SLIT3: variants seen among roughly 807,000 people sequenced by gnomAD.
The protein encoded by SLIT3 is slit guidance ligand 3.
In SLIT3, 68 loss-of-function variants were observed where a neutral mutation model predicts 184.0. The ratio of observed to expected loss-of-function variants is 0.37; its 90% CI spans 0.30 to 0.45. The LOEUF is 0.45. SLIT3 is among the 20% of genes least tolerant of loss of function. SLIT3 has a pLI of 1.00. For missense variants in SLIT3, 1,707 were observed against 2,026.0 expected (o/e 0.84, Z 3.02); for synonymous variants, 831 against 828.6 (o/e 1.00, Z -0.05).
chr5:169,015,790 C>T (rs1756339231), intron 4 of SLIT3, among the ~76,000 whole-genome samples: 1 of 152,130 alleles, frequency 6.6e-6, no homozygotes, highest in African/African-American at 2.4e-5. Flanking sequence ...AAAAATTAGC[C>T]AGGTGTGGTG....
At chr5:168,871,476 C>A (rs909545870) in intron 5 of SLIT3, among the ~76,000 whole-genome samples, 1 of 152,140 alleles carries the variant, frequency 6.6e-6, no homozygotes, top group East Asian at 1.9e-4. Context: ...AGGGACAGGG[C>A]AGGGAAGTTA....
At position 169,251,433 on chromosome 5, in the gene SLIT3, C is replaced by T; in HGVS notation, c.224G>A (p.Arg75Lys). 6.2e-7 allele frequency: 1 copy of T among 1,613,506 alleles called. No individual in the cohort carries two copies. The highest frequency in any genetic ancestry group is 8.5e-7 in the Non-Finnish European group (1 of 1,179,532). Residue 75 changes from arginine to lysine, a missense_variant, in exon 2 of 36, where the codon AGG becomes AAG. By Grantham distance (26) the Arg-to-Lys change is conservative (BLOSUM62 2). Transcript: ENST00000519560. ...RLDLDRNNIT[R>K]ITKMDFAGLK... is the part of the protein sequence containing the mutation. ...CCCAGCGAAGTCCATCTTGGTGATCCTGGTGATATTATTTCTGTCCAGGTC... is the reference window on the plus strand; with the variant it reads ...CCCAGCGAAGTCCATCTTGGTGATCTTGGTGATATTATTTCTGTCCAGGTC...
chr5:169,214,472 G>A (rs750113732), intron 3 of SLIT3, among the ~76,000 whole-genome samples: 35 of 152,190 alleles, frequency 2.3e-4, no homozygotes, highest in Admixed American at 1.4e-3. Flanking sequence ...CTGGGAAACT[G>A]GGAGGAGGCC....
intron 1 of SLIT3, among the ~76,000 whole-genome samples, chr5:169,286,056 A>G (rs1487921366): frequency 6.6e-6 from 1 of 152,198 alleles, no homozygotes; most frequent in Non-Finnish European, 1.5e-5. Flanking sequence ...AATGCCAGAC[A>G]CTGTCCTCTA....
At chr5:169,149,959 C>A (rs1762058363) in intron 4 of SLIT3, among the ~76,000 whole-genome samples, 1 of 152,156 alleles carries the variant, frequency 6.6e-6, no homozygotes, top group South Asian at 2.1e-4. Flanking sequence ...TTTGATCATT[C>A]CTGTTTTACA....
At chr5:168,773,184 C>T (rs1477911248) in intron 13 of SLIT3, among the ~76,000 whole-genome samples, 1 of 152,134 alleles carries the variant, frequency 6.6e-6, no homozygotes, top group Non-Finnish European at 1.5e-5. Flanking sequence ...AATCGGTCTC[C>T]CAGCTCTTCC....
intron 4 of SLIT3, chr5:168,993,971 A>C (rs538895200): frequency 6.6e-6 from 1 of 152,388 alleles, no homozygotes; most frequent in South Asian, 2.1e-4. Flanking sequence ...AGTCAGTGGG[A>C]ATTGCAGGAT....
intron 4 of SLIT3, among the ~76,000 whole-genome samples, chr5:168,891,409 G>A (rs1432671677): frequency 6.6e-6 from 1 of 152,192 alleles, no homozygotes; most frequent in African/African-American, 2.4e-5. Flanking sequence ...CAGAGACGTG[G>A]CAGAAGAAAA....
At chr5:169,207,416 C>CACACACACAT (rs59792125) in intron 3 of SLIT3, among the ~76,000 whole-genome samples, 1 of 147,500 alleles carries the variant, frequency 6.8e-6, no homozygotes, top group African/African-American at 2.5e-5. Flanking sequence ...CACACACACA[C>CACACACACAT]GGCACCAAGT....
intron 1 of SLIT3, among the ~76,000 whole-genome samples, chr5:169,283,678 T>C (rs1217003917): frequency 1.3e-5 from 2 of 152,226 alleles, no homozygotes; most frequent in African/African-American, 4.8e-5. Flanking sequence ...CACAGCCACA[T>C]GATGATCCCA....
chr5:169,140,841 C>G (rs898761829), intron 4 of SLIT3, among the ~76,000 whole-genome samples: 3 of 152,128 alleles, frequency 2.0e-5, no homozygotes, highest in African/African-American at 7.2e-5. Flanking sequence ...ACCAACCATA[C>G]CCCTCTCCCA....
At position 168,838,795 on chromosome 5, in the gene SLIT3, C is replaced by T. The variant is rs75421396; in HGVS notation, c.557+5789G>A. On this transcript the variant is annotated intron_variant, in intron 6 of 35. Coordinates refer to ENST00000519560, the MANE Select transcript of SLIT3 (RefSeq NM_003062.4). ...TCTTCTGCGTCTACCTGTGGGGTTC[C>T]GCATCAGGCCACGTTGAACCCACCA... 1.5e-3 allele frequency among the ~76,000 whole-genome samples: 235 copies of T among 152,234 alleles called. 1 individual carries two copies. Among genetic ancestry groups the T allele is most frequent in the East Asian group, 5.0e-3 (26 of 5,164 alleles).
intron 4 of SLIT3, among the ~76,000 whole-genome samples, chr5:169,104,362 G>A (rs1039241957): frequency 3.3e-5 from 5 of 152,196 alleles, no homozygotes; most frequent in East Asian, 1.9e-4. Context: ...CAGAGGAAGC[G>A]TACGCTCAGC....
chr5:169,088,177 G>A (rs1311373665), intron 4 of SLIT3, among the ~76,000 whole-genome samples: 1 of 152,138 alleles, frequency 6.6e-6, no homozygotes, highest in Non-Finnish European at 1.5e-5. Context: ...AAGAAGGAAG[G>A]GACTGAGCAA....
intron 4 of SLIT3, among the ~76,000 whole-genome samples, chr5:168,891,098 T>C (rs930191596): frequency 6.6e-6 from 1 of 152,238 alleles, no homozygotes; most frequent in Non-Finnish European, 1.5e-5. Flanking sequence ...CAGTATATAA[T>C]GCAAATTCCT....
At chr5:168,897,416 TGA>T (rs138218818) in intron 4 of SLIT3, among the ~76,000 whole-genome samples, 8 of 148,372 alleles carry the variant, frequency 5.4e-5, no homozygotes, top group Admixed American at 4.0e-4. Flanking sequence ...GATATAAAGA[TGA>T]GAGAGAGAGA....
intron 4 of SLIT3, among the ~76,000 whole-genome samples, chr5:169,021,399 G>T (rs1756589707): frequency 6.6e-6 from 1 of 152,000 alleles, no homozygotes; most frequent in Non-Finnish European, 1.5e-5. Context: ...CACCCAGGCT[G>T]GAGTGCAGTG....
At chr5:168,967,437 C>CTTTTTTTGTTTTTTT (rs1763238230) in intron 4 of SLIT3, among the ~76,000 whole-genome samples, 1 of 32,732 alleles carries the variant, frequency 3.1e-5, no homozygotes, top group Non-Finnish European at 5.6e-5. Flanking sequence ...CATCTCAAAT[C>CTTTTTTTGTTTTTTT]TTTTTTTTTT....
intron 4 of SLIT3, among the ~76,000 whole-genome samples, chr5:168,968,574 T>TA (rs1191455466): frequency 6.6e-6 from 1 of 152,170 alleles, no homozygotes; most frequent in Non-Finnish European, 1.5e-5. Flanking sequence ...TCAAGGAGCT[T>TA]AAAATCTCAC....
Sources: gnomAD v4.1 joint callset for allele counts (sites outside exome capture counted in the v4.1 genomes callset) on GRCh38, gnomAD v4.1.1 for gene constraint, MANE v1.5 for transcripts, NCBI Gene and HGNC (gene_info 2026-07-23, HGNC 2026-07-21) for gene names.